ZNF44: variants seen among roughly 807,000 people sequenced by gnomAD.
ZNF44 encodes the protein gonadotropin inducible transcription repressor-2.
ZNF44 carries 9 observed loss-of-function variants against 11.7 expected under a neutral mutation model. The observed-to-expected ratio is 0.77, with a 90% CI of 0.46 to 1.35. The LOEUF (loss-of-function observed/expected upper bound fraction) is 1.35. Among genes scored for constraint, ZNF44 ranks in the 40% most tolerant of loss-of-function variants. The pLI is 0.00. For synonymous variants in ZNF44, 224 were observed against 242.7 expected (o/e 0.92, Z 0.72); for missense variants, 696 against 743.1 (o/e 0.94, Z 0.74).
intron 1 of ZNF44, among the ~76,000 whole-genome samples, chr19:12,286,908 G>A (rs1967782676): frequency 6.6e-6 from 1 of 151,830 alleles, no homozygotes; most frequent in African/African-American, 2.4e-5. Context: ...CTGGGCAATA[G>A]AGTAAGACTC....
At chr19:12,247,704 C>T (rs758653783) in exon 8 of ZNF44, 1 of 1,352,312 alleles carries the variant, frequency 7.4e-7, no homozygotes, top group Non-Finnish European at 9.8e-7. Flanking sequence ...GGGTTTCTCT[C>T]CAGTATGAGT....
At chr19:12,227,220 G>A (rs1202864081) in intron 3 of ZNF44, among the ~76,000 whole-genome samples, 1 of 152,194 alleles carries the variant, frequency 6.6e-6, no homozygotes, top group African/African-American at 2.4e-5. Context: ...GCATTCAAGG[G>A]CACCTGTTAG....
Position 12,272,562 on chromosome 19 carries a change from A to C in ZNF44, c.1693T>G (p.Cys565Gly). The change falls in exon 4 of 4, where the codon TGT becomes GGT. Residue 565 changes from cysteine (C) to glycine (G), a missense_variant. Transcript: ENST00000355684. ...CTGGAACGACTGAAGGCTTTACCAC[A>C]GTGTTTACATTCATAGGGTCTTTCT... is the stretch of plus-strand genomic sequence containing the variant. ...TGERPYECKH[C>G]GKAFSRSSFC... The C allele has an allele frequency of 6.2e-7, 1 of 1,613,474 alleles. No homozygotes were observed. The highest frequency in any genetic ancestry group is 1.3e-5 in the African/African-American group (1 of 74,986).
In ZNF44 at chr19:12,275,038, AAGAG is replaced by A; in HGVS notation, c.131-9_131-6del. On this transcript the variant is annotated splice_region_variant and splice_polypyrimidine_tract_variant and intron_variant, in intron 2 of 3. Transcript: ENST00000355684. ...TCTGGTTTTCCCATTTCATTCCTAA[AAGAG>A]AGATCCAGAAAATTCACTATAAATT... The A allele has an allele frequency of 1.9e-6, 3 of 1,567,030 alleles. No homozygotes were observed. Among genetic ancestry groups the A allele is most frequent in the South Asian group, 1.2e-5 (1 of 82,924 alleles).
intron 2 of ZNF44, among the ~76,000 whole-genome samples, chr19:12,232,551 G>A (rs546315835): frequency 1.3e-5 from 2 of 152,290 alleles, no homozygotes; most frequent in African/African-American, 4.8e-5. Context: ...GACTCTTAAC[G>A]AGCATGCTGC....
At chr19:12,286,454 T>C (rs1030752576) in intron 1 of ZNF44, among the ~76,000 whole-genome samples, 3 of 151,696 alleles carry the variant, frequency 2.0e-5, no homozygotes, top group Admixed American at 6.6e-5. Flanking sequence ...GCCAAGATGA[T>C]GAAACCCCGT....
intron 1 of ZNF44, chr19:12,237,146 A>T (rs1916422199): frequency 6.6e-6 from 1 of 152,360 alleles, no homozygotes; most frequent in African/African-American, 2.4e-5. Context: ...AGAACCCCAC[A>T]CATGAGTCTG....
chr19:12,227,878 TATAGTAGTGTGCTATGAATA>T (rs1398988180), intron 3 of ZNF44, among the ~76,000 whole-genome samples: 5 of 152,228 alleles, frequency 3.3e-5, no homozygotes, highest in Non-Finnish European at 7.3e-5. Flanking sequence ...ATTTTACCAT[TATAGTAGTGTGCTATGAATA>T]TTAAACTCCA....
intron 5 of ZNF44, among the ~76,000 whole-genome samples, chr19:12,263,021 G>C (rs1030069772): frequency 6.6e-6 from 1 of 152,014 alleles, no homozygotes; most frequent in Non-Finnish European, 1.5e-5. Context: ...GTAACACCTA[G>C]AGTAGTTCAG....
chr19:12,277,161 G>T (rs1967263256), intron 1 of ZNF44, among the ~76,000 whole-genome samples: 1 of 151,964 alleles, frequency 6.6e-6, no homozygotes, highest in Non-Finnish European at 1.5e-5. Flanking sequence ...TCATATTTTT[G>T]TTGTTGTTGT....
chr19:12,284,196 C>A, intron 1 of ZNF44: 1 of 240,796 alleles, frequency 4.2e-6, no homozygotes, highest in Non-Finnish European at 8.0e-6. Context: ...AGATGAAAGC[C>A]CACAAAGGCG....
At chr19:12,284,448 C>T (rs1012889313) in intron 1 of ZNF44, 5 of 638,724 alleles carry the variant, frequency 7.8e-6, no homozygotes, top group African/African-American at 3.6e-5. Context: ...GGGCCGGGGC[C>T]GCGGAGCTCT....
Position 12,273,167 on chromosome 19 carries a change from T to G in ZNF44, c.1088A>C (p.Lys363Thr). The G allele has an allele frequency of 1.2e-6, 2 of 1,613,824 alleles. No homozygotes were observed. The highest frequency in any genetic ancestry group is 2.2e-5 in the South Asian group (2 of 91,038). ...RIHEGTHTLEKPYECKQCGKL... is the reference protein window; with the variant it reads ...RIHEGTHTLETPYECKQCGKL... Reference sequence around the variant, plus strand: ...CCCACATTGCTTACATTCATAGGGTTTCTCTAGAGTGTGAGTTCCTTCATG... The same window carrying G: ...CCCACATTGCTTACATTCATAGGGTGTCTCTAGAGTGTGAGTTCCTTCATG... Residue 363 changes from lysine to threonine, a missense_variant, in exon 4 of 4, where the codon AAA (lysine) becomes ACA (threonine). Physicochemically the swap from Lys to Thr is moderately conservative, Grantham distance 78 (BLOSUM62 -1). Transcript: ENST00000355684.
chr19:12,268,131 TACACACACACACAGACACAC>T (rs1382456825), downstream of ZNF44, among the ~76,000 whole-genome samples: 1 of 106,704 alleles, frequency 9.4e-6, no homozygotes, highest in Admixed American at 8.8e-5. Flanking sequence ...TTGGTGTTCT[TACACACACACACAGACACAC>T]ACACACACAC....
chr19:12,288,677 G>T (rs1967859213), intron 1 of ZNF44, among the ~76,000 whole-genome samples: 1 of 149,454 alleles, frequency 6.7e-6, no homozygotes, highest in Admixed American at 6.7e-5. Context: ...AGGAGGCGAG[G>T]TTGGAGGGAG....
At chr19:12,249,925 C>T in intron 7 of ZNF44, 1 of 1,123,482 alleles carries the variant, frequency 8.9e-7, no homozygotes, top group Middle Eastern at 2.4e-4. Context: ...AATTTAATGA[C>T]ATACTAAGAT....
chr19:12,249,951 C>T, intron 7 of ZNF44: 2 of 1,258,256 alleles, frequency 1.6e-6, no homozygotes, highest in Non-Finnish European at 2.1e-6. Context: ...TCCTAGAATA[C>T]TGCTTTCTTT....
rs189395455 is a variant in ZNF44 at position 12,253,717 on chromosome 19, C to T, written c.1913-3349G>A. On this transcript the variant is annotated intron_variant and NMD_transcript_variant, in intron 5 of 7. Transcript: ENST00000393337. ...AGGACAGGCCGAGTACAGTGGCTCA[C>T]GCCTATAATCCCAGCACTTTGGGGA... is the stretch of plus-strand genomic sequence containing the variant. Among the ~76,000 whole-genome samples, 15 of 152,042 alleles carry T rather than the reference C, an allele frequency of 9.9e-5. No homozygotes were observed. The East Asian group carries it at 2.1e-3, about 22-fold the overall frequency.
chr19:12,245,333 T>A (rs1916741311), downstream of ZNF44, among the ~76,000 whole-genome samples: 1 of 152,150 alleles, frequency 6.6e-6, no homozygotes, highest in African/African-American at 2.4e-5. Context: ...GTATACAAGT[T>A]GTTTTAAAAG....
Sources: allele counts gnomAD v4.1 joint callset (sites outside exome capture counted in the v4.1 genomes callset), GRCh38; gene constraint gnomAD v4.1.1; transcripts MANE v1.5; gene names NCBI Gene and HGNC (gene_info 2026-07-23, HGNC 2026-07-21).